Variants in COL9A2 observed in about 807,000 individuals in gnomAD.
COL9A2 encodes collagen alpha-2(IX) chain.
COL9A2 carries 66 observed loss-of-function variants against 111.6 expected under a neutral mutation model. The observed-to-expected ratio is 0.59, with a 90% confidence interval of 0.48 to 0.73. The LOEUF (loss-of-function observed/expected upper bound fraction) is 0.73. COL9A2 is among the 30% of genes least tolerant of loss of function. The pLI is 0.00. For missense variants in COL9A2, 881 were observed against 954.1 expected (o/e 0.92, Z 1.01); for synonymous variants, 353 against 364.1 (o/e 0.97, Z 0.35).
chr1:40,317,284 T>TAA lies in COL9A2; in HGVS notation c.-88_-87insTT. 1 of 710,890 alleles carries TAA rather than the reference T, an allele frequency of 1.4e-6. No homozygotes were observed. Among genetic ancestry groups the TAA allele is most frequent in the East Asian group, 4.9e-5 (1 of 20,312 alleles). The allele number at this position is 710,890 out of a possible 1,614,324, so 44.0% of individuals were successfully genotyped here. A position where few individuals can be genotyped will look rare whatever the true frequency, so the allele number is the denominator to read the frequency against. On this transcript the variant is annotated 5_prime_UTR_variant, in exon 1 of 32. Transcript: ENST00000372748. This position sits in a 1 kb window ranked among gnomAD's most constrained non-coding sequence, Gnocchi z 4.3. ...CCCGGCGCTCCTCCAGCGCTGGCTG[T>TAA]TCGCGGGCAGGGTGGGCTGGGGCTC...
rs376053893 is a variant in COL9A2 at position 40,311,429 on chromosome 1, C to T, written c.519+71G>A. On this transcript the variant is annotated intron_variant, in intron 10 of 31. Transcript: ENST00000372748. This position sits in a 1 kb window ranked among gnomAD's most constrained non-coding sequence, Gnocchi z 5.1. ...CCATCTCTCCAGACACCCCCATCTCCGTGGCCCCGCCTCCCCATCTCTGTG... is the reference window on the plus strand; with the variant it reads ...CCATCTCTCCAGACACCCCCATCTCTGTGGCCCCGCCTCCCCATCTCTGTG... 1.3e-5 allele frequency: 20 copies of T among 1,583,636 alleles called. No individual in the cohort carries two copies. Among genetic ancestry groups the T allele is most frequent in the African/African-American group, 2.7e-5 (2 of 74,242 alleles).
At chr1:40,304,892 C>A (rs371161703) in intron 21 of COL9A2, 45 bp from the exon 22 acceptor site, 1 of 1,522,118 alleles carries the variant, frequency 6.6e-7, no homozygotes. Flanking sequence ...CCTGGTGGAA[C>A]CCACCCTTCC....
In COL9A2 at chr1:40,316,787, G is replaced by A. The variant is rs1644226244; in HGVS notation, c.75+336C>T. ...GGGAGGCGGCGGGGGCGGAGGCTGC[G>A]CAGCGGGTGAATGAGCACCATTGTA... On this transcript the variant is annotated intron_variant, in intron 1 of 31. Coordinates refer to ENST00000372748, the MANE Select transcript of COL9A2 (RefSeq NM_001852.4). The surrounding 1 kb of genome is among the most constrained non-coding windows in gnomAD (Gnocchi z 5.5). The A allele has an allele frequency of 2.5e-6, 1 of 394,146 alleles. No individual in the cohort carries two copies. The highest frequency in any genetic ancestry group is 4.6e-6 in the Non-Finnish European group (1 of 215,670). 24.4% of individuals were successfully genotyped at this position (394,146 alleles called of 1,614,324 possible). A position where few individuals can be genotyped will look rare whatever the true frequency, so the allele number is the denominator to read the frequency against.
In COL9A2 at chr1:40,305,755, G is replaced by A. The variant is rs760181989; in HGVS notation, c.1067C>T (p.Pro356Leu). 9.3e-6 allele frequency: 15 copies of A among 1,613,992 alleles called. No individual in the cohort carries two copies. Among genetic ancestry groups the A allele is most frequent in the African/African-American group, 6.7e-5 (5 of 74,926 alleles). Reference sequence around the variant, plus strand: ...ACCAGAGAATCCAGGAAGGCCCTGCGGGCCCGGCTCACCCTGCAGGAAAAC... The same window carrying A: ...ACCAGAGAATCCAGGAAGGCCCTGCAGGCCCGGCTCACCCTGCAGGAAAAC... ...GGPGDQGEPG[P>L]QGLPGFSGPP... is the part of the protein sequence containing the mutation. Residue 356 changes from proline (P) to leucine (L), a missense_variant, in exon 21 of 32, where the codon CCG becomes CTG. Pro to Leu is a moderately conservative substitution (Grantham distance 98). Coordinates refer to ENST00000372748, the MANE Select transcript of COL9A2 (RefSeq NM_001852.4).
At chr1:40,308,728 G>A (rs1644069622) in intron 16 of COL9A2, among the ~76,000 whole-genome samples, 1 of 152,194 alleles carries the variant, frequency 6.6e-6, no homozygotes, top group Non-Finnish European at 1.5e-5. Context: ...TTATTGTTTA[G>A]AGATATGTAC....
rs1391205388 is a variant in COL9A2, at chr1:40,307,460, G to A, written c.994C>T (p.His332Tyr). ...CTGACACTTACCGCTAGGCCCTGGT[G>A]GCCTGGACTTCCGGGCTGTCCCGCC... ...GQAGQPGSPG[H>Y]QGLAGVPGQP... Residue 332 changes from histidine to tyrosine, a missense_variant, in exon 19 of 32, where the codon CAC becomes TAC. Physicochemically the swap from His to Tyr is moderately conservative, Grantham distance 83 (BLOSUM62 2). Transcript: ENST00000372748. This position sits in a 1 kb window ranked among gnomAD's most constrained non-coding sequence, Gnocchi z 4.8. 1 of 1,614,078 alleles carries A rather than the reference G, an allele frequency of 6.2e-7. No homozygotes were observed. Among genetic ancestry groups the A allele is most frequent in the Admixed American group, 1.7e-5 (1 of 60,010 alleles).
In COL9A2 at chr1:40,312,652, G is replaced by T; in HGVS notation, c.304-43C>A. The stretch of plus-strand genomic sequence containing the variant: ...AAGGCTCAGAGGCTGGGGTTTCCCC[G>T]GCTCCTACTTCCTCTCTACAGCCAC... On this transcript the variant is annotated intron_variant, in intron 5 of 31. Coordinates refer to ENST00000372748, the MANE Select transcript of COL9A2 (RefSeq NM_001852.4). This position sits in a 1 kb window ranked among gnomAD's most constrained non-coding sequence, Gnocchi z 6.0. 1.2e-6 allele frequency: 2 copies of T among 1,608,338 alleles called. No individual in the cohort carries two copies. Among genetic ancestry groups the T allele is most frequent in the East Asian group, 4.5e-5 (2 of 44,724 alleles).
chr1:40,311,188 C>G lies in COL9A2; in HGVS notation c.576+42G>C. The G allele has an allele frequency of 6.2e-7, 1 of 1,614,246 alleles. No individual in the cohort carries two copies. Among genetic ancestry groups the G allele is most frequent in the Non-Finnish European group, 8.5e-7 (1 of 1,180,022 alleles). ...AGCTCAATACGAGGTCCCCTCCTGT[C>G]ACCTGCACCACCCTCCCAAGATTCA... On this transcript the variant is annotated intron_variant, in intron 11 of 31. Coordinates refer to ENST00000372748, the MANE Select transcript of COL9A2 (RefSeq NM_001852.4). This position sits in a 1 kb window ranked among gnomAD's most constrained non-coding sequence, Gnocchi z 5.1.
chr1:40,305,067 T>TC (rs1206393208), intron 21 of COL9A2: 1 of 392,888 alleles, frequency 2.5e-6, no homozygotes, highest in African/African-American at 2.3e-5. Flanking sequence ...CTTTCTTTTT[T>TC]TTTTTTTTTT....
rs1030041414 is a variant in COL9A2, at chr1:40,310,052, CTG to C, written c.792+57_792+58del. 52 of 1,613,744 alleles carry C rather than the reference CTG, an allele frequency of 3.2e-5. No homozygotes were observed. In the African/African-American group the frequency reaches 5.2e-4, roughly 16 times the overall value. On this transcript the variant is annotated intron_variant, in intron 15 of 31. Transcript: ENST00000372748. This position sits in a 1 kb window ranked among gnomAD's most constrained non-coding sequence, Gnocchi z 4.9. The stretch of plus-strand genomic sequence containing the variant: ...AGGCTCAGGGGGAGCCATGCCCACT[CTG>C]TGGCTGTAGCTGTAGGAGCTCCAGC...
chr1:40,301,005 G>C lies in COL9A2; in HGVS notation c.*177C>G, dbSNP rs898091801. The C allele has an allele frequency of 7.5e-6, 5 of 666,964 alleles. No homozygotes were observed. In the African/African-American group the frequency reaches 9.0e-5, roughly 12 times the overall value. The allele number at this position is 666,964 out of a possible 1,614,324, so 41.3% of individuals were successfully genotyped here. On this transcript the variant is annotated 3_prime_UTR_variant, in exon 32 of 32. Transcript: ENST00000372748. ...GTTGGCCTCACTTTTTCACCCATCA[G>C]TGCTCTACCTCCCCTTCCCCCATGT... is the stretch of plus-strand genomic sequence containing the variant.
intron 2 of COL9A2, among the ~76,000 whole-genome samples, chr1:40,315,045 G>A (rs542741017): frequency 6.6e-6 from 1 of 152,134 alleles, no homozygotes; most frequent in Admixed American, 6.5e-5. Context: ...GGGGCACCAG[G>A]TTGAATAGAA....
rs1643926434 is a variant in COL9A2, at chr1:40,302,306, AC to A, written c.1792+314del. Among the ~76,000 whole-genome samples, 1 of 152,082 alleles carries A rather than the reference AC, an allele frequency of 6.6e-6. No homozygotes were observed. Among genetic ancestry groups the A allele is most frequent in the Admixed American group, 6.5e-5 (1 of 15,272 alleles). ...ATGAGAAAGGGGAGTCTGGATTCAC[AC>A]CCGTGTGTGGCTCCAGCCTGCCTGC... On this transcript the variant is annotated intron_variant, in intron 30 of 31. Coordinates refer to ENST00000372748, the MANE Select transcript of COL9A2 (RefSeq NM_001852.4). This position sits in a 1 kb window ranked among gnomAD's most constrained non-coding sequence, Gnocchi z 4.5.
chr1:40,303,461 G>T lies in COL9A2; in HGVS notation c.1548+69C>A. ...GAGTCTCTGGGAATCCCTAGCCTTT[G>T]GCGGGTAAGCCGCACCCCAGAACAG... On this transcript the variant is annotated intron_variant, in intron 28 of 31. Coordinates refer to ENST00000372748, the MANE Select transcript of COL9A2 (RefSeq NM_001852.4). The surrounding 1 kb of genome is among the most constrained non-coding windows in gnomAD (Gnocchi z 4.6). The T allele has an allele frequency of 6.3e-7, 1 of 1,593,140 alleles. No individual in the cohort carries two copies. The highest frequency in any genetic ancestry group is 8.6e-7 in the Non-Finnish European group (1 of 1,166,966).
intron 21 of COL9A2, 98 bp from the exon 22 acceptor site, chr1:40,304,945 G>T: frequency 1.9e-6 from 2 of 1,059,480 alleles, no homozygotes; most frequent in African/African-American, 1.6e-5. Context: ...CAGCTAATTT[G>T]CTTCATCAGG....
rs1354582057 is a variant in COL9A2 at position 40,307,342 on chromosome 1, A to C, written c.1008+104T>G. ...GGCCAGGGGCCACAGAGTTGGTAAC[A>C]AGGCAAGAGGTGGTGATTGAGCAAG... On this transcript the variant is annotated intron_variant, in intron 19 of 31. Coordinates refer to ENST00000372748, the MANE Select transcript of COL9A2 (RefSeq NM_001852.4). The surrounding 1 kb of genome is among the most constrained non-coding windows in gnomAD (Gnocchi z 4.8). The C allele has an allele frequency of 1.8e-6, 2 of 1,119,700 alleles. No individual in the cohort carries two copies. Among genetic ancestry groups the C allele is most frequent in the Non-Finnish European group, 2.7e-6 (2 of 752,712 alleles). 69.4% of individuals were successfully genotyped at this position (1,119,700 alleles called of 1,614,324 possible). A position where few individuals can be genotyped will look rare whatever the true frequency, so the allele number is the denominator to read the frequency against.
At chr1:40,301,914 A>AT in intron 30 of COL9A2, 25 bp from the exon 31 acceptor site, 1 of 1,598,242 alleles carries the variant, frequency 6.3e-7, no homozygotes. Flanking sequence ...GGAAATCTTC[A>AT]TTTTTCAGAA....
chr1:40,306,579 A>G (rs898028531), intron 19 of COL9A2, among the ~76,000 whole-genome samples: 1 of 152,140 alleles, frequency 6.6e-6, no homozygotes, highest in African/African-American at 2.4e-5. Flanking sequence ...ATGGCCCTGA[A>G]CGATAAGAAG....
chr1:40,310,698 G>T lies in COL9A2; in HGVS notation c.684+16C>A. On this transcript the variant is annotated intron_variant, in intron 13 of 31. Coordinates refer to ENST00000372748, the MANE Select transcript of COL9A2 (RefSeq NM_001852.4). This position sits in a 1 kb window ranked among gnomAD's most constrained non-coding sequence, Gnocchi z 4.9. The stretch of plus-strand genomic sequence containing the variant: ...GGTGAGGGAGAAGAGGGCCACTGAG[G>T]CAAGGTGTTCCTTACCGGTGGTCCA... 1.9e-6 allele frequency: 3 copies of T among 1,566,174 alleles called. No homozygotes were observed. Among genetic ancestry groups the T allele is most frequent in the Admixed American group, 1.9e-5 (1 of 53,602 alleles).
Sources: gnomAD v4.1 joint callset for allele counts (sites outside exome capture counted in the v4.1 genomes callset) on GRCh38, gnomAD v4.1.1 for gene constraint, Gnocchi (gnomAD v3.1) non-coding constraint, MANE v1.5 for transcripts, NCBI Gene and HGNC (gene_info 2026-07-23, HGNC 2026-07-21) for gene names.